Variants in CROT observed in about 807,000 individuals in gnomAD.
CROT encodes the protein carnitine O-octanoyltransferase.
Under a neutral mutation model 89.2 loss-of-function variants are expected in CROT, and 84 were observed. That is an observed-to-expected ratio of 0.94 (90% confidence interval 0.79 to 1.13). The LOEUF (loss-of-function observed/expected upper bound fraction) is 1.13. CROT is among the 50% of genes most tolerant of loss of function. The pLI is 0.00. For synonymous variants in CROT, 212 were observed against 239.5 expected (o/e 0.89, Z 1.06); for missense variants, 711 against 727.8 (o/e 0.98, Z 0.27).
intron 4 of CROT, 56 bp from the exon 5 acceptor site, chr7:87,361,334 G>C: frequency 6.8e-7 from 1 of 1,463,282 alleles, no homozygotes; most frequent in Non-Finnish European, 9.4e-7. Context: ...ATTCCCAGTA[G>C]TTACACATTC....
intron 13 of CROT, 83 bp downstream of exon 13, chr7:87,382,626 C>A: frequency 7.1e-7 from 1 of 1,414,214 alleles, no homozygotes; most frequent in Non-Finnish European, 9.6e-7. Flanking sequence ...CCTAACTCCT[C>A]AGTATTTTTG....
intron 14 of CROT, 56 bp downstream of exon 14, chr7:87,391,768 C>T: frequency 1.3e-6 from 2 of 1,555,574 alleles, no homozygotes; most frequent in Non-Finnish European, 8.7e-7. Context: ...TCTAAAGGAA[C>T]CGTGGTCTTT....
chr7:87,350,165 T>C (rs1805822431), intron 3 of CROT, among the ~76,000 whole-genome samples: 1 of 152,176 alleles, frequency 6.6e-6, no homozygotes, highest in South Asian at 2.1e-4. Context: ...ACTATGCTGT[T>C]ATGGGGTCAT....
At chr7:87,348,988 T>C in intron 2 of CROT, 60 bp from the exon 3 acceptor site, 2 of 666,366 alleles carry the variant, frequency 3.0e-6, no homozygotes, top group South Asian at 2.2e-5. Context: ...GAATTGTACC[T>C]AGGATACGTA....
chr7:87,369,627 T>A, intron 7 of CROT, 143 bp downstream of exon 7: 1 of 365,610 alleles, frequency 2.7e-6, no homozygotes, highest in Non-Finnish European at 4.9e-6. Context: ...AAAATCTATT[T>A]GTATTTTTTA....
intron 12 of CROT, 71 bp downstream of exon 12, chr7:87,382,252 G>T: frequency 6.9e-7 from 1 of 1,452,436 alleles, no homozygotes. Flanking sequence ...AAATTTGGCT[G>T]TCATCCAAGC....
At chr7:87,348,983 G>A (rs1045085841) in intron 2 of CROT, 65 bp from the exon 3 acceptor site, 2 of 632,838 alleles carry the variant, frequency 3.2e-6, no homozygotes, top group Non-Finnish European at 5.5e-6. Context: ...ATTGTGAATT[G>A]TACCTAGGAT....
At chr7:87,379,602 T>C (rs562450970) in intron 10 of CROT, among the ~76,000 whole-genome samples, 1 of 152,376 alleles carries the variant, frequency 6.6e-6, no homozygotes, top group African/African-American at 2.4e-5. Context: ...ATAAAGAATA[T>C]TGGGCTCATA....
intron 7 of CROT, among the ~76,000 whole-genome samples, chr7:87,373,902 A>G (rs1296986652): frequency 6.6e-6 from 1 of 152,112 alleles, no homozygotes; most frequent in African/African-American, 2.4e-5. Flanking sequence ...AAATCAAGTA[A>G]GAAGATAATT....
intron 6 of CROT, among the ~76,000 whole-genome samples, chr7:87,366,368 T>C (rs1005113208): frequency 1.1e-4 from 17 of 151,990 alleles, no homozygotes; most frequent in Non-Finnish European, 2.4e-4. Flanking sequence ...GAAAAAAAAA[T>C]GCCTTCAGGT....
chr7:87,356,640 C>G (rs1299216657), intron 3 of CROT, among the ~76,000 whole-genome samples: 3 of 152,138 alleles, frequency 2.0e-5, no homozygotes, highest in Non-Finnish European at 2.9e-5. Flanking sequence ...GAATGAGACT[C>G]CAGGTTTCCA....
At chr7:87,378,285 G>A (rs1806873848) in intron 10 of CROT, among the ~76,000 whole-genome samples, 2 of 147,426 alleles carry the variant, frequency 1.4e-5, no homozygotes, top group Admixed American at 1.4e-4. Context: ...GGTTGAGGGT[G>A]CAGTGAACAG....
chr7:87,347,570 A>G (rs998788750), intron 2 of CROT, among the ~76,000 whole-genome samples: 5 of 152,240 alleles, frequency 3.3e-5, no homozygotes, highest in Non-Finnish European at 1.5e-5. Flanking sequence ...AGATAGAAAG[A>G]AGCTAAAGAA....
chr7:87,385,523 T>A (rs1807159172), intron 13 of CROT, among the ~76,000 whole-genome samples: 1 of 152,222 alleles, frequency 6.6e-6, no homozygotes. Context: ...ATGCTACTGA[T>A]TTTAATATGT....
chr7:87,395,089 T>A (rs1420122562), intron 17 of CROT, among the ~76,000 whole-genome samples: 2 of 152,096 alleles, frequency 1.3e-5, no homozygotes, highest in African/African-American at 2.4e-5. Flanking sequence ...AAGAAGTATG[T>A]AAGAAGCATT....
At chr7:87,375,336 A>C (rs970131415) in intron 7 of CROT, 1 of 264,504 alleles carries the variant, frequency 3.8e-6, no homozygotes, top group Non-Finnish European at 7.3e-6. Flanking sequence ...AAGGATATTT[A>C]CTTGCAACCT....
At chr7:87,389,223 C>G (rs1461198561) in intron 13 of CROT, among the ~76,000 whole-genome samples, 2 of 152,118 alleles carry the variant, frequency 1.3e-5, no homozygotes, top group Non-Finnish European at 2.9e-5. Flanking sequence ...GGCGATTCCT[C>G]AAGGATCTAG....
intron 13 of CROT, among the ~76,000 whole-genome samples, chr7:87,389,482 A>C (rs1807288527): frequency 6.6e-6 from 1 of 152,194 alleles, no homozygotes; most frequent in Non-Finnish European, 1.5e-5. Context: ...AGGGACATGG[A>C]TGAAGCTGGA....
chr7:87,381,197 AGTG>A (rs1388272112), intron 10 of CROT, among the ~76,000 whole-genome samples: 2 of 152,180 alleles, frequency 1.3e-5, no homozygotes, highest in East Asian at 3.8e-4. Context: ...TCTAATGTAA[AGTG>A]GTGACAGTCA....
Sources: gnomAD v4.1 joint callset for allele counts (sites outside exome capture counted in the v4.1 genomes callset) on GRCh38, gnomAD v4.1.1 for gene constraint, MANE v1.5 for transcripts, NCBI Gene and HGNC (gene_info 2026-07-23, HGNC 2026-07-21) for gene names.